PPP1R1A: variants seen among roughly 807,000 people sequenced by gnomAD.
PPP1R1A encodes protein phosphatase 1 regulatory subunit 1A.
Under a neutral mutation model 23.9 loss-of-function variants are expected in PPP1R1A, and 18 were observed. That is an observed-to-expected ratio of 0.75 (90% CI 0.52 to 1.12). The LOEUF (loss-of-function observed/expected upper bound fraction) is 1.12. Ranked by LOEUF, PPP1R1A falls within the 50% of genes most tolerant of loss-of-function variation. The probability of loss-of-function intolerance (pLI) is 0.00; values close to 1 mark genes in which losing one functional copy is unlikely to be tolerated. For synonymous variants in PPP1R1A, 84 were observed against 80.7 expected (o/e 1.04, Z -0.22); for missense variants, 207 against 223.8 (o/e 0.92, Z 0.48).
Position 54,582,691 on chromosome 12 carries a change from A to G in PPP1R1A, c.247+41T>C, listed in dbSNP as rs764545266. 50 of 1,598,186 alleles carry G rather than the reference A, an allele frequency of 3.1e-5. 1 individual carries two copies. The South Asian group carries it at 5.3e-4, about 17-fold the overall frequency. ...GGCATTCGGTCTCCTCTTCAGCTTC[A>G]GGCACAGAGGAGAAAAAGGGATGGG... is the stretch of plus-strand genomic sequence containing the variant. On this transcript the variant is annotated intron_variant, in intron 4 of 6. Transcript: ENST00000257905.
Position 54,581,828 on chromosome 12 carries a change from C to A in PPP1R1A, c.403+148G>T. 1 of 778,062 alleles carries A rather than the reference C, an allele frequency of 1.3e-6. No homozygotes were observed. Among genetic ancestry groups the A allele is most frequent in the Non-Finnish European group, 1.9e-6 (1 of 521,580 alleles). The allele number at this position is 778,062 out of a possible 1,614,324, so 48.2% of individuals were successfully genotyped here. A position where few individuals can be genotyped will look rare whatever the true frequency, so the allele number is the denominator to read the frequency against. On this transcript the variant is annotated intron_variant, in intron 5 of 6. Transcript: ENST00000257905. The surrounding 1 kb of genome is among the most constrained non-coding windows in gnomAD (Gnocchi z 4.1). ...AAGATTCAAATATATGCCGAACATG[C>A]CAACAGATCCATATCCTTGAGACAG...
chr12:54,580,097 C>A lies in PPP1R1A; in HGVS notation c.*290G>T. The A allele has an allele frequency of 8.7e-7, 1 of 1,144,004 alleles. No individual in the cohort carries two copies. Among genetic ancestry groups the A allele is most frequent in the South Asian group, 3.0e-5 (1 of 32,950 alleles). The allele number at this position is 1,144,004 out of a possible 1,614,324, so 70.9% of individuals were successfully genotyped here. ...TCTCTCTTCCCACAGCAAGTAAAGT[C>A]AGGGCTAAGGGAAGAACTCTTCCCT... On this transcript the variant is annotated 3_prime_UTR_variant, in exon 7 of 7. Coordinates refer to ENST00000257905, the MANE Select transcript of PPP1R1A (RefSeq NM_006741.4).
At chr12:54,585,252 C>A (rs1001826802) in intron 1 of PPP1R1A, among the ~76,000 whole-genome samples, 2 of 152,092 alleles carry the variant, frequency 1.3e-5, no homozygotes, top group African/African-American at 4.8e-5. Context: ...GATATAATAT[C>A]AATACAAGGA....
chr12:54,586,456 T>C (rs573710060), intron 1 of PPP1R1A, among the ~76,000 whole-genome samples: 28 of 152,272 alleles, frequency 1.8e-4, no homozygotes, highest in African/African-American at 6.3e-4. Context: ...TCCAAAGCAG[T>C]CATGCCAAGG....
rs776705949 is a variant in PPP1R1A, at chr12:54,584,300, G to T, written c.105C>A (p.Thr35=). ...AAEQIRRRRP[T]PATLVLTSDQ... ...CACTGGTCAGCACGAGGGTGGCAGG[G>T]GTGGGGCGGCGCCTCCGAATCTGAG... The change falls in exon 2 of 7, where the codon ACC becomes ACA. Residue 35 remains threonine (T), a synonymous_variant. Coordinates refer to ENST00000257905, the MANE Select transcript of PPP1R1A (RefSeq NM_006741.4). 2 of 1,604,402 alleles carry T rather than the reference G, an allele frequency of 1.2e-6. No individual in the cohort carries two copies. The highest frequency in any genetic ancestry group is 2.7e-5 in the African/African-American group (2 of 74,790).
rs1485621673 is a variant in PPP1R1A at position 54,581,263 on chromosome 12, GAAT to G, written c.404-216_404-214del. Among the ~76,000 whole-genome samples, 3 of 152,176 alleles carry G rather than the reference GAAT, an allele frequency of 2.0e-5. No homozygotes were observed. Among genetic ancestry groups the G allele is most frequent in the Non-Finnish European group, 4.4e-5 (3 of 68,010 alleles). ...AAAAAATCTTCAATCAAATTGGAAA[GAAT>G]AAACCCTCTACAGTTTAAAAAACAA... On this transcript the variant is annotated intron_variant, in intron 5 of 6. Coordinates refer to ENST00000257905, the MANE Select transcript of PPP1R1A (RefSeq NM_006741.4). The surrounding 1 kb of genome is among the most constrained non-coding windows in gnomAD (Gnocchi z 4.1).
intron 1 of PPP1R1A, among the ~76,000 whole-genome samples, chr12:54,586,458 A>G (rs1387588449): frequency 6.6e-6 from 1 of 152,192 alleles, no homozygotes; most frequent in Non-Finnish European, 1.5e-5. Flanking sequence ...CAAAGCAGTC[A>G]TGCCAAGGAT....
chr12:54,579,694 G>T lies in PPP1R1A; in HGVS notation c.*693C>A. 1.0e-6 allele frequency: 1 copy of T among 985,490 alleles called. No individual in the cohort carries two copies. Among genetic ancestry groups the T allele is most frequent in the South Asian group, 4.7e-5 (1 of 21,284 alleles). 61.0% of individuals were successfully genotyped at this position (985,490 alleles called of 1,614,324 possible). A position where few individuals can be genotyped will look rare whatever the true frequency, so the allele number is the denominator to read the frequency against. ...GGGCCTCTTCATTAATAGCCACTGTGTTCTCTATCCATTGTTGCTAACGGG... is the reference window on the plus strand; with the variant it reads ...GGGCCTCTTCATTAATAGCCACTGTTTTCTCTATCCATTGTTGCTAACGGG... On this transcript the variant is annotated 3_prime_UTR_variant, in exon 7 of 7. Transcript: ENST00000257905.
At chr12:54,582,265 T>G in intron 4 of PPP1R1A, 134 bp from the exon 5 acceptor site, 1 of 926,680 alleles carries the variant, frequency 1.1e-6, no homozygotes, top group Non-Finnish European at 1.6e-6. Flanking sequence ...TCCACTGAGA[T>G]CTGAACAAGG....
Position 54,588,445 on chromosome 12 carries a change from G to GGGACCGTGAACT in PPP1R1A, c.32_43dup (p.Gln11_Val14dup). ...GGGGTCAAGGTGCGGCTCCAGCAGC[G>GGGACCGTGAACT]GGACCGTGAACTGGATCTTTCGGGG... On this transcript the variant is annotated inframe_insertion, in exon 1 of 7. Transcript: ENST00000257905. The GGGACCGTGAACT allele has an allele frequency of 2.0e-6, 3 of 1,496,586 alleles. No homozygotes were observed. The highest frequency in any genetic ancestry group is 2.7e-6 in the Non-Finnish European group (3 of 1,118,398). The allele number at this position is 1,496,586 out of a possible 1,614,324, so 92.7% of individuals were successfully genotyped here. A position where few individuals can be genotyped will look rare whatever the true frequency, so the allele number is the denominator to read the frequency against.
intron 1 of PPP1R1A, among the ~76,000 whole-genome samples, chr12:54,587,892 C>A (rs1250559714): frequency 6.6e-6 from 1 of 152,122 alleles, no homozygotes; most frequent in Non-Finnish European, 1.5e-5. Flanking sequence ...ACTTTCGGAG[C>A]CCAGCAAGGT....
At position 54,581,022 on chromosome 12, in the gene PPP1R1A, G is replaced by A. The variant is rs201748056; in HGVS notation, c.432C>T (p.His144=). 1.4e-5 allele frequency: 22 copies of A among 1,613,336 alleles called. No individual in the cohort carries two copies. In the Middle Eastern group the frequency reaches 4.9e-4, roughly 36 times the overall value. The change falls in exon 6 of 7, where the codon CAC becomes CAT. Residue 144 remains histidine, a synonymous_variant. Transcript: ENST00000257905. The surrounding 1 kb of genome is among the most constrained non-coding windows in gnomAD (Gnocchi z 4.1). ...TGCTGGGTTCCTTACTGCCTCTCTCGTGAGTTTTAGGGATGCATTCTGCAG... is the reference window on the plus strand; with the variant it reads ...TGCTGGGTTCCTTACTGCCTCTCTCATGAGTTTTAGGGATGCATTCTGCAG... ...KKTAECIPKT[H]ERGSKEPSTK...
Position 54,581,890 on chromosome 12 carries a change from T to G in PPP1R1A, c.403+86A>C. 4 of 1,480,368 alleles carry G rather than the reference T, an allele frequency of 2.7e-6. No individual in the cohort carries two copies. Among genetic ancestry groups the G allele is most frequent in the Non-Finnish European group, 3.6e-6 (4 of 1,105,074 alleles). 91.7% of individuals were successfully genotyped at this position (1,480,368 alleles called of 1,614,324 possible). The stretch of plus-strand genomic sequence containing the variant: ...TACTAGGCCTCTCCCAGGCTCCAAC[T>G]CTTTCCCCTCCCCGCAGTGGGTAAG... On this transcript the variant is annotated intron_variant, in intron 5 of 6. Coordinates refer to ENST00000257905, the MANE Select transcript of PPP1R1A (RefSeq NM_006741.4). The surrounding 1 kb of genome is among the most constrained non-coding windows in gnomAD (Gnocchi z 4.1).
chr12:54,588,413 C>T lies in PPP1R1A; in HGVS notation c.76G>A (p.Ala26Thr). The T allele has an allele frequency of 1.3e-6, 2 of 1,499,720 alleles. No homozygotes were observed. Among genetic ancestry groups the T allele is most frequent in the Non-Finnish European group, 1.8e-6 (2 of 1,119,602 alleles). 92.9% of individuals were successfully genotyped at this position (1,499,720 alleles called of 1,614,324 possible). The change falls in exon 1 of 7, where the codon GCG (alanine) becomes ACG (threonine). Residue 26 changes from alanine to threonine, a missense_variant. Transcript: ENST00000257905. ...CCCGCCCTGCTCCGCACCTGCTCCG[C>T]CGCCTCGGGGTCAAGGTGCGGCTCC... ...LLEPHLDPEA[A>T]EQIRRRRPTP...
In PPP1R1A at chr12:54,584,307, C is replaced by T. The variant is rs1957887180; in HGVS notation, c.98G>A (p.Arg33His). 3.7e-6 allele frequency: 6 copies of T among 1,602,162 alleles called. No homozygotes were observed. Among genetic ancestry groups the T allele is most frequent in the Non-Finnish European group, 4.3e-6 (5 of 1,174,854 alleles). Reference protein sequence around the residue: ...PEAAEQIRRRRPTPATLVLTS... With the variant: ...PEAAEQIRRRHPTPATLVLTS... The stretch of plus-strand genomic sequence containing the variant: ...CAGCACGAGGGTGGCAGGGGTGGGG[C>T]GGCGCCTCCGAATCTGAGGGAAGGT... The change falls in exon 2 of 7, where the codon CGC (arginine) becomes CAC (histidine). Residue 33 changes from arginine to histidine, a missense_variant. Arg to His is a conservative substitution (Grantham distance 29). Transcript: ENST00000257905.
intron 1 of PPP1R1A, among the ~76,000 whole-genome samples, chr12:54,587,098 A>G (rs532831431): frequency 1.3e-5 from 2 of 152,112 alleles, no homozygotes; most frequent in Non-Finnish European, 2.9e-5. Flanking sequence ...GTGGTGGCTC[A>G]CCCCAGGCCA....
intron 4 of PPP1R1A, 98 bp from the exon 5 acceptor site, chr12:54,582,229 A>C: frequency 4.7e-6 from 6 of 1,289,570 alleles, no homozygotes; most frequent in Non-Finnish European, 5.2e-6. Flanking sequence ...GGCTCAGCAC[A>C]CATTGCTGGG....
chr12:54,581,067 G>C lies in PPP1R1A; in HGVS notation c.404-17C>G, dbSNP rs1957852076. ...CTGCAGTTTCTGGGGAGGGAACATA[G>C]GGGTGGGAGGAAGAGGTGGCATTCA... is the stretch of plus-strand genomic sequence containing the variant. On this transcript the variant is annotated splice_polypyrimidine_tract_variant and intron_variant, in intron 5 of 6. Transcript: ENST00000257905. The surrounding 1 kb of genome is among the most constrained non-coding windows in gnomAD (Gnocchi z 4.1). 1.9e-6 allele frequency: 3 copies of C among 1,561,056 alleles called. No individual in the cohort carries two copies. The highest frequency in any genetic ancestry group is 2.6e-6 in the Non-Finnish European group (3 of 1,132,580).
intron 1 of PPP1R1A, among the ~76,000 whole-genome samples, chr12:54,584,715 C>T (rs985748052): frequency 6.6e-6 from 1 of 152,016 alleles, no homozygotes; most frequent in Non-Finnish European, 1.5e-5. Context: ...ACATGTACCC[C>T]CCTGAATCTA....
Sources: gnomAD v4.1 joint callset for allele counts (sites outside exome capture counted in the v4.1 genomes callset) on GRCh38, gnomAD v4.1.1 for gene constraint, Gnocchi (gnomAD v3.1) non-coding constraint, MANE v1.5 for transcripts, NCBI Gene and HGNC (gene_info 2026-07-23, HGNC 2026-07-21) for gene names.